The following KHDRBS2 variants were observed in gnomAD, a reference collection of about 807,000 sequenced individuals.
KHDRBS2 encodes the protein KH domain-containing, RNA-binding, signal transduction-associated protein 2.
In KHDRBS2, 26 loss-of-function variants were observed where a neutral mutation model predicts 44.3. The ratio of observed to expected loss-of-function variants is 0.59; its 90% CI spans 0.43 to 0.81. KHDRBS2 has a LOEUF of 0.81. Among genes scored for constraint, KHDRBS2 ranks in the 40% least tolerant of loss-of-function variants. The probability of loss-of-function intolerance (pLI) is 0.00; values close to 1 mark genes in which losing one functional copy is unlikely to be tolerated. For missense variants in KHDRBS2, 476 were observed against 433.1 expected, an observed-to-expected ratio of 1.10 and a Z score of -0.88; for synonymous variants, 194 against 151.1, an observed-to-expected ratio of 1.28 and a Z score of -2.08.
chr6:61,574,429 A>G, the KHDRBS2 span: 2 of 1,490,466 alleles, frequency 1.3e-6, no homozygotes, highest in Non-Finnish European at 1.8e-6. Flanking sequence ...GACCATATGG[A>G]GCTTCAATTT....
At chr6:61,954,587 TG>T in intron 4 of KHDRBS2, among the ~76,000 whole-genome samples, 1 of 139,574 alleles carries the variant, frequency 7.2e-6, no homozygotes, top group Non-Finnish European at 1.6e-5. Flanking sequence ...GACATATTTA[TG>T]TATATATACA....
chr6:61,905,109 T>C (rs976662573), intron 4 of KHDRBS2, among the ~76,000 whole-genome samples: 1 of 152,204 alleles, frequency 6.6e-6, no homozygotes, highest in African/African-American at 2.4e-5. Context: ...GCAATGAGTA[T>C]TTTTAAGAAA....
At chr6:61,871,790 C>T (rs1221499689) in intron 6 of KHDRBS2, among the ~76,000 whole-genome samples, 3 of 152,100 alleles carry the variant, frequency 2.0e-5, no homozygotes, top group Non-Finnish European at 1.5e-5. Flanking sequence ...AAATCCTTTA[C>T]AGAAAAGCAA....
chr6:62,084,964 A>T (rs1798124534), intron 2 of KHDRBS2, among the ~76,000 whole-genome samples: 1 of 152,190 alleles, frequency 6.6e-6, no homozygotes, highest in Non-Finnish European at 1.5e-5. Context: ...CCACAAAAAT[A>T]ATTCTAACAA....
intron 6 of KHDRBS2, among the ~76,000 whole-genome samples, chr6:61,768,668 G>T (rs1780364293): frequency 6.6e-6 from 1 of 151,948 alleles, no homozygotes; most frequent in Non-Finnish European, 1.5e-5. Context: ...TTTTCAGTGT[G>T]TCAATTGCAT....
chr6:62,149,817 C>G (rs577473065), intron 2 of KHDRBS2, among the ~76,000 whole-genome samples: 1 of 152,236 alleles, frequency 6.6e-6, no homozygotes, highest in South Asian at 2.1e-4. Flanking sequence ...GTGATGCACT[C>G]TATCTTTCAC....
chr6:61,774,877 A>G (rs1191153338), intron 6 of KHDRBS2, among the ~76,000 whole-genome samples: 2 of 152,168 alleles, frequency 1.3e-5, no homozygotes, highest in African/African-American at 2.4e-5. Flanking sequence ...ATGAACATCA[A>G]TGCAAAAATC....
intron 2 of KHDRBS2, among the ~76,000 whole-genome samples, chr6:62,082,051 T>C (rs1797503046): frequency 6.6e-6 from 1 of 152,014 alleles, no homozygotes; most frequent in Non-Finnish European, 1.5e-5. Context: ...AAGAAAATAG[T>C]TGTATGCCCA....
chr6:61,564,756 G>A, the KHDRBS2 span, among the ~76,000 whole-genome samples: 1 of 151,998 alleles, frequency 6.6e-6, no homozygotes, highest in Non-Finnish European at 1.5e-5. Context: ...AGTTGGCCCT[G>A]ACATTTTCCC....
intron 1 of KHDRBS2, among the ~76,000 whole-genome samples, chr6:62,204,379 G>A (rs1395264865): frequency 6.6e-6 from 1 of 152,118 alleles, no homozygotes. Flanking sequence ...TATGCAATGA[G>A]GTAAACTGGA....
At chr6:61,808,293 A>G (rs1236041616) in intron 6 of KHDRBS2, among the ~76,000 whole-genome samples, 1 of 152,082 alleles carries the variant, frequency 6.6e-6, no homozygotes, top group Non-Finnish European at 1.5e-5. Context: ...TGTCCACTAG[A>G]GATATGTAGA....
intron 2 of KHDRBS2, among the ~76,000 whole-genome samples, chr6:62,097,956 T>C (rs1800986926): frequency 6.6e-6 from 1 of 152,102 alleles, no homozygotes; most frequent in Admixed American, 6.6e-5. Context: ...CAAGTTATTT[T>C]ACACTGATAA....
chr6:61,680,966 A>G lies in KHDRBS2; in HGVS notation c.1047T>C (p.Tyr349=). The G allele has an allele frequency of 6.2e-7, 1 of 1,603,650 alleles. No homozygotes were observed. Among genetic ancestry groups the G allele is most frequent in the South Asian group, 1.1e-5 (1 of 90,782 alleles). Residue 349 remains tyrosine (Y), a synonymous_variant, in exon 9 of 9, where the codon TAT becomes TAC. Transcript: ENST00000281156. ...GGYREHPYGR[Y] Reference sequence around the variant, plus strand: ...AGGTCACAGGTGGGAAGGACCTTCAATATCTACCATAGGGGTGTTCCCTGT... The same window carrying G: ...AGGTCACAGGTGGGAAGGACCTTCAGTATCTACCATAGGGGTGTTCCCTGT...
chr6:61,823,803 T>C (rs1790399510), intron 6 of KHDRBS2, among the ~76,000 whole-genome samples: 1 of 152,110 alleles, frequency 6.6e-6, no homozygotes, highest in Admixed American at 6.6e-5. Flanking sequence ...AATGTGTGGC[T>C]ACTCAAAATT....
At chr6:62,099,326 G>C (rs1476308988) in intron 2 of KHDRBS2, among the ~76,000 whole-genome samples, 10 of 152,174 alleles carry the variant, frequency 6.6e-5, no homozygotes. Context: ...CTCAGAGCCT[G>C]TGATCACTAC....
chr6:62,242,006 T>C (rs1169447671), intron 1 of KHDRBS2, among the ~76,000 whole-genome samples: 1 of 152,202 alleles, frequency 6.6e-6, no homozygotes, highest in Non-Finnish European at 1.5e-5. Flanking sequence ...TACAGATTTT[T>C]GACATGACAA....
intron 3 of KHDRBS2, among the ~76,000 whole-genome samples, chr6:61,983,247 T>C (rs1388848404): frequency 7.0e-6 from 1 of 142,518 alleles, no homozygotes; most frequent in African/African-American, 2.6e-5. Flanking sequence ...TTTTTTTTTT[T>C]TTTTTTTTTT....
the KHDRBS2 span, among the ~76,000 whole-genome samples, chr6:61,635,018 T>A: frequency 6.6e-6 from 1 of 152,054 alleles, no homozygotes; most frequent in Admixed American, 6.6e-5. Flanking sequence ...CTAGTTTTCT[T>A]TTTTTAACAA....
intron 8 of KHDRBS2, among the ~76,000 whole-genome samples, chr6:61,684,009 T>C (rs1290324011): frequency 6.6e-6 from 1 of 151,984 alleles, no homozygotes; most frequent in Non-Finnish European, 1.5e-5. Context: ...TTACATGTTC[T>C]TGGTAACAAT....
Sources: allele counts gnomAD v4.1 joint callset (sites outside exome capture counted in the v4.1 genomes callset), GRCh38; gene constraint gnomAD v4.1.1; transcripts MANE v1.5; gene names NCBI Gene and HGNC (gene_info 2026-07-23, HGNC 2026-07-21).